Variants in ETV3 observed in about 807,000 individuals in gnomAD.
The protein encoded by ETV3 is ETS variant transcription factor 3.
Under a neutral mutation model 33.0 loss-of-function variants are expected in ETV3, and 8 were observed. The ratio of observed to expected loss-of-function variants is 0.24; its 90% CI spans 0.14 to 0.44. The LOEUF is 0.44. ETV3 is among the 20% of genes least tolerant of loss of function. ETV3 has a pLI of 1.00. For synonymous variants in ETV3, 222 were observed against 238.9 expected (o/e 0.93, Z 0.65); for missense variants, 473 against 652.3 (o/e 0.73, Z 2.99).
Position 157,135,773 on chromosome 1 carries a change from A to ACAGTTGCTGGAATGAGC in ETV3, c.47-66_47-65insGCTCATTCCAGCAACTG, listed in dbSNP as rs1407474163. 3 of 1,459,652 alleles carry ACAGTTGCTGGAATGAGC rather than the reference A, an allele frequency of 2.1e-6. No individual in the cohort carries two copies. The East Asian group carries it at 6.8e-5, about 33-fold the overall frequency. The allele number at this position is 1,459,652 out of a possible 1,614,324, so 90.4% of individuals were successfully genotyped here. ...TAGGTACATACATACCAGCAACCCC[A>ACAGTTGCTGGAATGAGC]ACTGCACATTCCACTGCTCAGAATC... is the stretch of plus-strand genomic sequence containing the variant. On this transcript the variant is annotated intron_variant, in intron 2 of 4. Coordinates refer to ENST00000368192, the MANE Select transcript of ETV3 (RefSeq NM_001145312.3).
intron 4 of ETV3, among the ~76,000 whole-genome samples, chr1:157,132,206 C>T (rs1373813709): frequency 6.6e-6 from 1 of 152,226 alleles, no homozygotes; most frequent in Non-Finnish European, 1.5e-5. Flanking sequence ...CCTTGGCCTC[C>T]CAAAGTGTTG....
rs1172021390 is a variant in ETV3 at position 157,123,392 on chromosome 1, C to T, written c.*1449G>A. ...GGACATTTCCCAGGAAGAAACAATT[C>T]CTCACTGCCTATAAACTGTAGTCTC... On this transcript the variant is annotated 3_prime_UTR_variant, in exon 5 of 5. Transcript: ENST00000368192. 1 of 152,236 alleles carries T rather than the reference C, an allele frequency of 6.6e-6. No homozygotes were observed. Among genetic ancestry groups the T allele is most frequent in the Non-Finnish European group, 1.5e-5 (1 of 68,054 alleles). The allele number at this position is 152,236 out of a possible 1,614,324, so 9.4% of individuals were successfully genotyped here.
intron 4 of ETV3, chr1:157,133,746 C>T: frequency 3.0e-6 from 3 of 1,015,536 alleles, no homozygotes; most frequent in Non-Finnish European, 3.5e-6. Flanking sequence ...TTTGTAGAAA[C>T]AGGTTCCCAT....
rs1674715104 is a variant in ETV3 at position 157,121,796 on chromosome 1, T to C, written c.*3045A>G. The C allele has an allele frequency of 6.6e-6, 1 of 152,220 alleles. No individual in the cohort carries two copies. 9.4% of individuals were successfully genotyped at this position (152,220 alleles called of 1,614,324 possible). On this transcript the variant is annotated 3_prime_UTR_variant, in exon 5 of 5. Transcript: ENST00000368192. ...TATTTTTTTAATGCTTCTGAAAGTT[T>C]CTTGGCCCACAGAGGACTAGGGTGC... is the stretch of plus-strand genomic sequence containing the variant.
In ETV3 at chr1:157,123,061, C is replaced by T. The variant is rs745964142; in HGVS notation, c.*1780G>A. 6.6e-6 allele frequency: 1 copy of T among 152,218 alleles called. No individual in the cohort carries two copies. 9.4% of individuals were successfully genotyped at this position (152,218 alleles called of 1,614,324 possible). ...TTAAAAAGGAAAAAACACCCCCCAC[C>T]ATTAAAAGACAACCTTCAAATGTTA... is the stretch of plus-strand genomic sequence containing the variant. On this transcript the variant is annotated 3_prime_UTR_variant, in exon 5 of 5. Coordinates refer to ENST00000368192, the MANE Select transcript of ETV3 (RefSeq NM_001145312.3).
chr1:157,121,228 A>G lies in ETV3; in HGVS notation c.*3613T>C, dbSNP rs1036799581. 6.6e-6 allele frequency: 1 copy of G among 152,126 alleles called. No individual in the cohort carries two copies. Among genetic ancestry groups the G allele is most frequent in the Non-Finnish European group, 1.5e-5 (1 of 68,028 alleles). 9.4% of individuals were successfully genotyped at this position (152,126 alleles called of 1,614,324 possible). A position where few individuals can be genotyped will look rare whatever the true frequency, so the allele number is the denominator to read the frequency against. ...ATTTTTTTATTTAATTTCTGAGGTAAAATACTTTTTTCTTTCAACTTCCAT... is the reference window on the plus strand; with the variant it reads ...ATTTTTTTATTTAATTTCTGAGGTAGAATACTTTTTTCTTTCAACTTCCAT... On this transcript the variant is annotated 3_prime_UTR_variant, in exon 5 of 5. Coordinates refer to ENST00000368192, the MANE Select transcript of ETV3 (RefSeq NM_001145312.3).
rs1674714132 is a variant in ETV3, at chr1:157,121,751, G to A, written c.*3090C>T. Reference sequence around the variant, plus strand: ...AGCCAACTGACTCTACCCACTTGGTGAGAAGTGATATACTTCAACTATTTT... The same window carrying A: ...AGCCAACTGACTCTACCCACTTGGTAAGAAGTGATATACTTCAACTATTTT... On this transcript the variant is annotated 3_prime_UTR_variant, in exon 5 of 5. Transcript: ENST00000368192. The A allele has an allele frequency of 6.6e-6, 1 of 152,198 alleles. No homozygotes were observed. The highest frequency in any genetic ancestry group is 6.5e-5 in the Admixed American group (1 of 15,286). The allele number at this position is 152,198 out of a possible 1,614,324, so 9.4% of individuals were successfully genotyped here. A position where few individuals can be genotyped will look rare whatever the true frequency, so the allele number is the denominator to read the frequency against.
At chr1:157,133,922 T>C in intron 4 of ETV3, 190 bp downstream of exon 4, 3 of 1,408,896 alleles carry the variant, frequency 2.1e-6, no homozygotes, top group Non-Finnish European at 2.8e-6. Context: ...GAAATCTATC[T>C]TGATACTGAA....
At position 157,121,455 on chromosome 1, in the gene ETV3, C is replaced by CA. The variant is rs1228720991; in HGVS notation, c.*3385dup. 4 of 152,182 alleles carry CA rather than the reference C, an allele frequency of 2.6e-5. No individual in the cohort carries two copies. The highest frequency in any genetic ancestry group is 9.7e-5 in the African/African-American group (4 of 41,444). 9.4% of individuals were successfully genotyped at this position (152,182 alleles called of 1,614,324 possible). On this transcript the variant is annotated 3_prime_UTR_variant, in exon 5 of 5. Coordinates refer to ENST00000368192, the MANE Select transcript of ETV3 (RefSeq NM_001145312.3). The stretch of plus-strand genomic sequence containing the variant: ...ATATACACACTTTACTCTGCTCAAG[C>CA]AGGTAACTAGTGAAGTCACCTTTCA...
rs1674731316 is a variant in ETV3, at chr1:157,122,693, C to T, written c.*2148G>A. On this transcript the variant is annotated 3_prime_UTR_variant, in exon 5 of 5. Transcript: ENST00000368192. ...GACAGTGGGTGGCCAGCCAGCCTCCCTGGTTAGATTGGGCAATGCCAAGCA... is the reference window on the plus strand; with the variant it reads ...GACAGTGGGTGGCCAGCCAGCCTCCTTGGTTAGATTGGGCAATGCCAAGCA... The T allele has an allele frequency of 6.6e-6, 1 of 152,170 alleles. No individual in the cohort carries two copies. Among genetic ancestry groups the T allele is most frequent in the South Asian group, 2.1e-4 (1 of 4,826 alleles). The allele number at this position is 152,170 out of a possible 1,614,324, so 9.4% of individuals were successfully genotyped here.
intron 3 of ETV3, among the ~76,000 whole-genome samples, chr1:157,134,904 G>A (rs1675061010): frequency 1.3e-5 from 2 of 152,172 alleles, no homozygotes; most frequent in Non-Finnish European, 2.9e-5. Flanking sequence ...CCCCTTGAGG[G>A]CTAAAGGACT....
chr1:157,135,351 A>G, intron 3 of ETV3, 120 bp downstream of exon 3: 1 of 1,204,624 alleles, frequency 8.3e-7, no homozygotes, highest in Non-Finnish European at 1.2e-6. Context: ...TTAAAGTGAC[A>G]CATTATTCAC....
intron 4 of ETV3, 199 bp downstream of exon 4, chr1:157,133,913 A>T: frequency 7.2e-7 from 1 of 1,394,320 alleles, no homozygotes; most frequent in Middle Eastern, 2.7e-4. Context: ...TAAACCAAAG[A>T]AATCTATCTT....
At position 157,136,316 on chromosome 1, in the gene ETV3, C is replaced by T; in HGVS notation, c.37G>A (p.Gly13Arg). ...AGCSIVEKPE[G>R]GGGYQFPDWA... ...ATTAACTTCTGCTCACCTCCACCTC[C>T]TTCTGGCTTTTCCACGATGCTACAG... The change falls in exon 2 of 5, where the codon GGA becomes AGA. Residue 13 changes from glycine (G) to arginine (R), a missense_variant. By Grantham distance (125) the Gly-to-Arg change is moderately radical (BLOSUM62 -2). Coordinates refer to ENST00000368192, the MANE Select transcript of ETV3 (RefSeq NM_001145312.3). 6.2e-7 allele frequency: 1 copy of T among 1,612,254 alleles called. No homozygotes were observed. The highest frequency in any genetic ancestry group is 8.5e-7 in the Non-Finnish European group (1 of 1,179,298).
intron 1 of ETV3, among the ~76,000 whole-genome samples, chr1:157,137,760 C>A (rs890443595): frequency 6.6e-6 from 1 of 152,146 alleles, no homozygotes; most frequent in Non-Finnish European, 1.5e-5. Context: ...GGGTCCAAAT[C>A]CCGTTGCAAC....
Position 157,125,847 on chromosome 1 carries a change from C to A in ETV3, c.533G>T (p.Gly178Val). The A allele has an allele frequency of 1.3e-6, 2 of 1,551,682 alleles. No homozygotes were observed. Among genetic ancestry groups the A allele is most frequent in the South Asian group, 2.4e-5 (2 of 84,054 alleles). Reference protein sequence around the residue: ...RFSASSLTASGQESSNGTDRK... With the variant: ...RFSASSLTASVQESSNGTDRK... Reference sequence around the variant, plus strand: ...ATCAGTACCATTACTGGACTCCTGGCCAGAAGCAGTTAGGGAGCTAGCAGA... The same window carrying A: ...ATCAGTACCATTACTGGACTCCTGGACAGAAGCAGTTAGGGAGCTAGCAGA... Residue 178 changes from glycine to valine, a missense_variant, in exon 5 of 5, where the codon GGC becomes GTC. Gly to Val is a moderately radical substitution (Grantham distance 109). Coordinates refer to ENST00000368192, the MANE Select transcript of ETV3 (RefSeq NM_001145312.3). This position sits in a 1 kb window ranked among gnomAD's most constrained non-coding sequence, Gnocchi z 4.0.
chr1:157,138,065 C>G (rs1017822772), intron 1 of ETV3, among the ~76,000 whole-genome samples: 31 of 152,226 alleles, frequency 2.0e-4, no homozygotes, highest in Admixed American at 6.5e-5. Flanking sequence ...TTGCCATTCA[C>G]CTCCCGGGCC....
At chr1:157,126,467 TCG>T (rs1674838406) in intron 4 of ETV3, among the ~76,000 whole-genome samples, 1 of 152,182 alleles carries the variant, frequency 6.6e-6, no homozygotes, top group South Asian at 2.1e-4. Flanking sequence ...ATATATATAT[TCG>T]TGTGTGTGTG....
At chr1:157,127,160 A>G (rs1266624647) in intron 4 of ETV3, among the ~76,000 whole-genome samples, 1 of 152,266 alleles carries the variant, frequency 6.6e-6, no homozygotes, top group African/African-American at 2.4e-5. Flanking sequence ...CAAATCAACA[A>G]AACTGGAAAT....
Sources: gnomAD v4.1 joint callset for allele counts (sites outside exome capture counted in the v4.1 genomes callset) on GRCh38, gnomAD v4.1.1 for gene constraint, Gnocchi (gnomAD v3.1) non-coding constraint, MANE v1.5 for transcripts, NCBI Gene and HGNC (gene_info 2026-07-23, HGNC 2026-07-21) for gene names.